TRAPPC9: variants seen among roughly 807,000 people sequenced by gnomAD.
TRAPPC9 encodes the protein IKK2 binding protein.
TRAPPC9 carries 83 observed loss-of-function variants against 124.0 expected under a neutral mutation model. The ratio of observed to expected loss-of-function variants is 0.67; its 90% CI spans 0.56 to 0.80. The LOEUF is 0.80. Ranked by LOEUF, TRAPPC9 falls within the 30% of genes least tolerant of loss-of-function variation. TRAPPC9 has a pLI of 0.00. For synonymous variants in TRAPPC9, 638 were observed against 617.5 expected (o/e 1.03, Z -0.49); for missense variants, 1,302 against 1,508.3 (o/e 0.86, Z 2.27).
In TRAPPC9 at chr8:140,078,347, C is replaced by T. The variant is rs537074937; in HGVS notation, c.2557-54268G>A. Among the ~76,000 whole-genome samples, 129 of 152,314 alleles carry T rather than the reference C, an allele frequency of 8.5e-4. 1 individual carries two copies. The South Asian group carries it at 0.013, about 15-fold the overall frequency. On this transcript the variant is annotated intron_variant, in intron 17 of 22. Coordinates refer to ENST00000438773, the MANE Select transcript of TRAPPC9 (RefSeq NM_001160372.4). ...GAGAAGGTAAGTCACGCAGGAGTGGCTGGACTCAAGTTCAAGCCCAGGCTT... is the reference window on the plus strand; with the variant it reads ...GAGAAGGTAAGTCACGCAGGAGTGGTTGGACTCAAGTTCAAGCCCAGGCTT...
At chr8:140,442,877 G>A (rs1042470886) in intron 2 of TRAPPC9, among the ~76,000 whole-genome samples, 3 of 152,010 alleles carry the variant, frequency 2.0e-5, no homozygotes, top group African/African-American at 4.8e-5. Flanking sequence ...GCTCATGCCT[G>A]TAATCCCAGC....
chr8:140,295,205 T>C (rs539710459), intron 11 of TRAPPC9, among the ~76,000 whole-genome samples: 7 of 152,326 alleles, frequency 4.6e-5, no homozygotes, highest in Non-Finnish European at 7.4e-5. Flanking sequence ...GATTTATCAA[T>C]GCATCCCCAG....
rs1818647622 is a variant in TRAPPC9, at chr8:139,742,723, T to A, written c.3056-10521A>T. ...GGTCAGATGGGCCCAGCATGCACGGTTGCTTTCAACTCTGATCTGCAGGCT... is the reference window on the plus strand; with the variant it reads ...GGTCAGATGGGCCCAGCATGCACGGATGCTTTCAACTCTGATCTGCAGGCT... On this transcript the variant is annotated intron_variant, in intron 21 of 22. Coordinates refer to ENST00000438773, the MANE Select transcript of TRAPPC9 (RefSeq NM_001160372.4). The surrounding 1 kb of genome is among the most constrained non-coding windows in gnomAD (Gnocchi z 4.7). Among the ~76,000 whole-genome samples the A allele has an allele frequency of 6.6e-6, 1 of 152,136 alleles. No homozygotes were observed. Among genetic ancestry groups the A allele is most frequent in the African/African-American group, 2.4e-5 (1 of 41,426 alleles).
intron 17 of TRAPPC9, among the ~76,000 whole-genome samples, chr8:140,116,125 G>T (rs2060882116): frequency 6.6e-6 from 1 of 152,128 alleles, no homozygotes; most frequent in South Asian, 2.1e-4. Flanking sequence ...GATATGAGGG[G>T]TCAGGGGAGA....
intron 19 of TRAPPC9, chr8:139,932,677 T>C (rs1281055649): frequency 2.6e-6 from 1 of 383,566 alleles, no homozygotes; most frequent in African/African-American, 2.1e-5. Context: ...GGCACGAGAA[T>C]TGCCTGAACC....
At chr8:139,748,782 G>C (rs1482410480) in intron 21 of TRAPPC9, among the ~76,000 whole-genome samples, 8 of 152,050 alleles carry the variant, frequency 5.3e-5, no homozygotes, top group Non-Finnish European at 2.9e-5. Flanking sequence ...CACCTAGAAG[G>C]GCATTTACCT....
chr8:139,928,263 A>G (rs185150406), intron 19 of TRAPPC9, among the ~76,000 whole-genome samples: 32 of 152,306 alleles, frequency 2.1e-4, no homozygotes, highest in Non-Finnish European at 4.7e-4. Context: ...AAGCTGAGGC[A>G]GGTGAATCAC....
Position 140,252,993 on chromosome 8 carries a change from C to A in TRAPPC9, c.2279-64G>T. 1 of 1,542,692 alleles carries A rather than the reference C, an allele frequency of 6.5e-7. No individual in the cohort carries two copies. The highest frequency in any genetic ancestry group is 2.2e-5 in the East Asian group (1 of 44,552). ...CTGAGGCAGTATGGGACTTACCAAT[C>A]CCCTAGAAAATTCTGATGCATTCTC... is the stretch of plus-strand genomic sequence containing the variant. On this transcript the variant is annotated intron_variant, in intron 15 of 22. Transcript: ENST00000438773. This position sits in a 1 kb window ranked among gnomAD's most constrained non-coding sequence, Gnocchi z 4.2.
intron 17 of TRAPPC9, among the ~76,000 whole-genome samples, chr8:140,090,667 C>G (rs1189134186): frequency 6.6e-6 from 1 of 152,220 alleles, no homozygotes; most frequent in Non-Finnish European, 1.5e-5. Flanking sequence ...AATCGCCATC[C>G]CCCACCAAGT....
chr8:140,103,528 C>T (rs1054905484), intron 17 of TRAPPC9, among the ~76,000 whole-genome samples: 4 of 152,202 alleles, frequency 2.6e-5, no homozygotes, highest in Non-Finnish European at 5.9e-5. Context: ...TGCTCCTAAA[C>T]ATCCTATATC....
At chr8:140,144,450 G>T (rs937788595) in intron 17 of TRAPPC9, among the ~76,000 whole-genome samples, 13 of 148,074 alleles carry the variant, frequency 8.8e-5, no homozygotes, top group African/African-American at 3.0e-4. Flanking sequence ...GCTAATGAAT[G>T]AGACTATTTT....
chr8:139,768,799 GAAGCCCTA>G (rs778540352), intron 21 of TRAPPC9, among the ~76,000 whole-genome samples: 2 of 152,160 alleles, frequency 1.3e-5, no homozygotes, highest in African/African-American at 2.4e-5. Flanking sequence ...TTCCCATGTT[GAAGCCCTA>G]AAGCCCAGTA....
At chr8:139,818,995 C>T (rs1000782760) in intron 21 of TRAPPC9, among the ~76,000 whole-genome samples, 5 of 152,340 alleles carry the variant, frequency 3.3e-5, no homozygotes, top group East Asian at 1.9e-4. Flanking sequence ...AGACTGGTAC[C>T]GGTCTATGTC....
At chr8:140,141,984 A>G (rs1156470990) in intron 17 of TRAPPC9, among the ~76,000 whole-genome samples, 2 of 152,214 alleles carry the variant, frequency 1.3e-5, no homozygotes, top group Non-Finnish European at 2.9e-5. Flanking sequence ...TGGGGGAACA[A>G]AGCACAGGGC....
chr8:139,891,602 G>A (rs1042314057), intron 20 of TRAPPC9, among the ~76,000 whole-genome samples: 10 of 152,240 alleles, frequency 6.6e-5, no homozygotes, highest in African/African-American at 9.6e-5. Context: ...TGGTGGCCAC[G>A]GGCCAGGTGG....
chr8:140,042,905 G>A (rs189310814), intron 17 of TRAPPC9, among the ~76,000 whole-genome samples: 2 of 152,308 alleles, frequency 1.3e-5, no homozygotes, highest in East Asian at 1.9e-4. Context: ...GGGCTCCTTC[G>A]CTCTGGGCAG....
intron 17 of TRAPPC9, among the ~76,000 whole-genome samples, chr8:140,125,622 C>G (rs1276750450): frequency 8.5e-6 from 1 of 117,898 alleles, no homozygotes; most frequent in Non-Finnish European, 1.7e-5. Context: ...TGAGATGGAG[C>G]CTCGCTCTGT....
intron 17 of TRAPPC9, among the ~76,000 whole-genome samples, chr8:140,137,286 C>T (rs1447022552): frequency 6.6e-6 from 1 of 152,162 alleles, no homozygotes; most frequent in African/African-American, 2.4e-5. Flanking sequence ...CCAGCGACTC[C>T]AAAGCAGAGA....
At chr8:140,162,231 G>A (rs1181982904) in intron 17 of TRAPPC9, among the ~76,000 whole-genome samples, 3 of 152,124 alleles carry the variant, frequency 2.0e-5, no homozygotes, top group Non-Finnish European at 4.4e-5. Flanking sequence ...CTGCCACCCT[G>A]CTTCTTCCCT....
Sources: gnomAD v4.1 joint callset for allele counts (sites outside exome capture counted in the v4.1 genomes callset) on GRCh38, gnomAD v4.1.1 for gene constraint, Gnocchi (gnomAD v3.1) non-coding constraint, MANE v1.5 for transcripts, NCBI Gene and HGNC (gene_info 2026-07-23, HGNC 2026-07-21) for gene names.